CATSPERB: variants seen among roughly 807,000 people sequenced by gnomAD.
CATSPERB encodes cation channel sperm-associated auxiliary subunit beta.
In CATSPERB, 93 loss-of-function variants were observed where a neutral mutation model predicts 128.3. That is an observed-to-expected ratio of 0.72 (90% CI 0.61 to 0.86). CATSPERB has a LOEUF of 0.86. CATSPERB is among the 40% of genes least tolerant of loss of function. The pLI, the probability that CATSPERB is intolerant of heterozygous loss-of-function variation, is 0.00. For missense variants in CATSPERB, 1,153 were observed against 1,329.5 expected (o/e 0.87, Z 2.06); for synonymous variants, 381 against 448.8 (o/e 0.85, Z 1.91).
At chr14:91,639,686 T>C (rs1029294071) in intron 15 of CATSPERB, among the ~76,000 whole-genome samples, 1 of 152,210 alleles carries the variant, frequency 6.6e-6, no homozygotes, top group African/African-American at 2.4e-5. Context: ...GGGCGTCCTG[T>C]GGTTCTCTCA....
Position 91,633,342 on chromosome 14 carries a change from T to C in CATSPERB, c.1742+3083A>G, listed in dbSNP as rs922804575. 7.4e-4 allele frequency among the ~76,000 whole-genome samples: 113 copies of C among 151,982 alleles called. 1 individual carries two copies. Among genetic ancestry groups the C allele is most frequent in the East Asian group, 7.7e-4 (4 of 5,180 alleles). On this transcript the variant is annotated intron_variant, in intron 17 of 26. Transcript: ENST00000256343. ...TAATGAATGGCCTAGTCCTAGGCCATAAAGTAAGTTTCAAACAATTTCAAA... is the reference window on the plus strand; with the variant it reads ...TAATGAATGGCCTAGTCCTAGGCCACAAAGTAAGTTTCAAACAATTTCAAA...
intron 22 of CATSPERB, among the ~76,000 whole-genome samples, chr14:91,598,857 CAA>C (rs377460093): frequency 3.8e-4 from 42 of 110,052 alleles, no homozygotes; most frequent in Non-Finnish European, 3.7e-4. Flanking sequence ...GACTCTGTCT[CAA>C]AAAAAAAAAA....
intron 26 of CATSPERB, among the ~76,000 whole-genome samples, chr14:91,583,269 T>A (rs1277700818): frequency 6.6e-6 from 1 of 152,006 alleles, no homozygotes; most frequent in East Asian, 1.9e-4. Context: ...ATACAAAAAA[T>A]TTAGCCAGGC....
intron 7 of CATSPERB, among the ~76,000 whole-genome samples, chr14:91,694,183 G>A (rs878865393): frequency 1.5e-4 from 23 of 152,032 alleles, no homozygotes; most frequent in Admixed American, 1.2e-3. Flanking sequence ...GGTGGCTTAC[G>A]CCTATAATCC....
chr14:91,687,847 C>T (rs183010079), intron 10 of CATSPERB, among the ~76,000 whole-genome samples: 1 of 150,210 alleles, frequency 6.7e-6, no homozygotes, highest in Admixed American at 6.7e-5. Context: ...TCCAGCTACT[C>T]AAGAGACTGA....
chr14:91,693,385 T>A lies in CATSPERB; in HGVS notation c.711A>T (p.Glu237Asp). The change falls in exon 8 of 27, where the codon GAA becomes GAT. Residue 237 changes from glutamate (E) to aspartate (D), a missense_variant and splice_region_variant. By Grantham distance (45) the Glu-to-Asp change is conservative. Transcript: ENST00000256343. ...TGAAGGCAATGTTAGAGGAGTTACC[T>A]TCTTGAAGTTGGGAATAGATAGTCT... ...MTQTIYSQLQ[E>D]EYEDLSLVDM... 1 of 1,612,086 alleles carries A rather than the reference T, an allele frequency of 6.2e-7. No homozygotes were observed. The highest frequency in any genetic ancestry group is 1.7e-5 in the Admixed American group (1 of 59,954).
chr14:91,651,698 G>T (rs1305731976), intron 15 of CATSPERB, among the ~76,000 whole-genome samples: 1 of 152,166 alleles, frequency 6.6e-6, no homozygotes, highest in Non-Finnish European at 1.5e-5. Flanking sequence ...GGCGAGTGTG[G>T]GATGCAGTGT....
rs1198386770 is a variant in CATSPERB, at chr14:91,605,390, C to CT, written c.2709+2903dup. On this transcript the variant is annotated intron_variant, in intron 22 of 26. Coordinates refer to ENST00000256343, the MANE Select transcript of CATSPERB (RefSeq NM_024764.4). Reference sequence around the variant, plus strand: ...AAAAAAGGTTAAGGTGGCTTTAAGACTTTTTTCTGGAAGATCTTAGAGAAA... The same window carrying CT: ...AAAAAAGGTTAAGGTGGCTTTAAGACTTTTTTTCTGGAAGATCTTAGAGAAA... 59 of 559,892 alleles carry CT rather than the reference C, an allele frequency of 1.1e-4. No homozygotes were observed. The East Asian group carries it at 1.4e-3, about 14-fold the overall frequency. The allele number at this position is 559,892 out of a possible 1,614,324, so 34.7% of individuals were successfully genotyped here. A position where few individuals can be genotyped will look rare whatever the true frequency, so the allele number is the denominator to read the frequency against.
At chr14:91,621,162 G>A (rs1894034681) in intron 19 of CATSPERB, among the ~76,000 whole-genome samples, 1 of 152,216 alleles carries the variant, frequency 6.6e-6, no homozygotes. Flanking sequence ...AGCATTTTGG[G>A]AGGCTGAGGC....
intron 20 of CATSPERB, among the ~76,000 whole-genome samples, chr14:91,612,614 TA>T (rs1893856524): frequency 6.6e-6 from 1 of 152,264 alleles, no homozygotes; most frequent in Non-Finnish European, 1.5e-5. Context: ...AAATTCTATT[TA>T]CAATTCTGAA....
chr14:91,710,005 A>G (rs758656800), intron 5 of CATSPERB: 1 of 153,616 alleles, frequency 6.5e-6, no homozygotes, highest in Non-Finnish European at 1.5e-5. Flanking sequence ...TGTGGCTGAT[A>G]TAGTGAACAA....
rs137950082 is a variant in CATSPERB, at chr14:91,707,987, A to G, written c.466+154T>C. 2.4e-3 allele frequency among the ~76,000 whole-genome samples: 364 copies of G among 152,196 alleles called. 2 individuals carry two copies. The highest frequency in any genetic ancestry group is 4.3e-3 in the Admixed American group (66 of 15,280). Reference sequence around the variant, plus strand: ...CATGTATTTAATTCTTTATCCTATCAGATTGTGAGTGCCTCAAGGGTCATG... The same window carrying G: ...CATGTATTTAATTCTTTATCCTATCGGATTGTGAGTGCCTCAAGGGTCATG... On this transcript the variant is annotated intron_variant, in intron 6 of 26. Coordinates refer to ENST00000256343, the MANE Select transcript of CATSPERB (RefSeq NM_024764.4).
rs116229267 is a variant in CATSPERB, at chr14:91,617,579, A to G, written c.2400+18T>C. 3,172 of 1,558,720 alleles carry G rather than the reference A, an allele frequency of 2.0e-3. 51 individuals carry two copies. In the African/African-American group the frequency reaches 0.038, roughly 19 times the overall value. Reference sequence around the variant, plus strand: ...TTTTCATCAGTAAGAAATGTTTTGTAAATGAAGAAAATCCTACCTGATGTA... The same window carrying G: ...TTTTCATCAGTAAGAAATGTTTTGTGAATGAAGAAAATCCTACCTGATGTA... On this transcript the variant is annotated intron_variant, in intron 20 of 26. Transcript: ENST00000256343.
chr14:91,685,072 G>A (rs144301766), intron 10 of CATSPERB, among the ~76,000 whole-genome samples: 2 of 152,140 alleles, frequency 1.3e-5, no homozygotes, highest in Admixed American at 6.6e-5. Flanking sequence ...GACTACAGGT[G>A]TGCACCACCA....
intron 22 of CATSPERB, among the ~76,000 whole-genome samples, chr14:91,601,686 T>C (rs1893610243): frequency 6.6e-6 from 1 of 152,156 alleles, no homozygotes; most frequent in South Asian, 2.1e-4. Flanking sequence ...TAGATCACAT[T>C]GATAAATCAT....
In CATSPERB at chr14:91,719,488, A is replaced by G. The variant is rs1310523762; in HGVS notation, c.310-10T>C. 16 of 1,602,146 alleles carry G rather than the reference A, an allele frequency of 1.0e-5. No homozygotes were observed. Among genetic ancestry groups the G allele is most frequent in the Non-Finnish European group, 1.4e-5 (16 of 1,171,472 alleles). On this transcript the variant is annotated splice_polypyrimidine_tract_variant and intron_variant, in intron 4 of 26. Coordinates refer to ENST00000256343, the MANE Select transcript of CATSPERB (RefSeq NM_024764.4). Reference sequence around the variant, plus strand: ...AAATCCGATCACTGAACTTGAATAAAGAAGACATCAGAAAACAATGTTTTA... The same window carrying G: ...AAATCCGATCACTGAACTTGAATAAGGAAGACATCAGAAAACAATGTTTTA...
At chr14:91,708,355 G>T in intron 5 of CATSPERB, 119 bp from the exon 6 acceptor site, 1 of 625,758 alleles carries the variant, frequency 1.6e-6, no homozygotes, top group Non-Finnish European at 2.7e-6. Flanking sequence ...CCATTTTGTT[G>T]GTATTTATAT....
At chr14:91,668,267 T>A (rs1392103966) in intron 14 of CATSPERB, among the ~76,000 whole-genome samples, 1 of 152,066 alleles carries the variant, frequency 6.6e-6, no homozygotes, top group Non-Finnish European at 1.5e-5. Flanking sequence ...AACACACCAA[T>A]CCACGCTCTG....
chr14:91,677,292 C>T (rs370195115), intron 11 of CATSPERB, among the ~76,000 whole-genome samples: 2 of 151,696 alleles, frequency 1.3e-5, no homozygotes, highest in African/African-American at 4.8e-5. Flanking sequence ...AGGCAACCTA[C>T]GAATGGGAGA....
Sources: gnomAD v4.1 joint callset for allele counts (sites outside exome capture counted in the v4.1 genomes callset) on GRCh38, gnomAD v4.1.1 for gene constraint, MANE v1.5 for transcripts, NCBI Gene and HGNC (gene_info 2026-07-23, HGNC 2026-07-21) for gene names.